The following CDKAL1 variants were observed in gnomAD, a reference collection of about 807,000 sequenced individuals.
CDKAL1 encodes the protein threonylcarbamoyladenosine tRNA methylthiotransferase.
Under a neutral mutation model 68.2 loss-of-function variants are expected in CDKAL1, and 32 were observed. The observed-to-expected ratio is 0.47, with a 90% confidence interval of 0.35 to 0.63. The LOEUF is 0.63. CDKAL1 is among the 30% of genes least tolerant of loss of function. CDKAL1 has a pLI of 0.00. For synonymous variants in CDKAL1, 234 were observed against 244.3 expected, an observed-to-expected ratio of 0.96 and a Z score of 0.39; for missense variants, 606 against 696.7, an observed-to-expected ratio of 0.87 and a Z score of 1.47.
intron 12 of CDKAL1, among the ~76,000 whole-genome samples, chr6:21,104,728 GA>G (rs1447763773): frequency 6.6e-6 from 1 of 152,188 alleles, no homozygotes; most frequent in African/African-American, 2.4e-5. Flanking sequence ...TTTGTTGTCA[GA>G]AAAGGCATTG....
At chr6:21,030,026 ATATACT>A (rs1769185414) in intron 11 of CDKAL1, among the ~76,000 whole-genome samples, 1 of 152,298 alleles carries the variant, frequency 6.6e-6, no homozygotes, top group African/African-American at 2.4e-5. Context: ...AAATGGCCAC[ATATACT>A]TATTGCAGCA....
intron 15 of CDKAL1, among the ~76,000 whole-genome samples, chr6:21,203,483 A>AG (rs1341520037): frequency 6.6e-6 from 1 of 151,184 alleles, no homozygotes; most frequent in African/African-American, 2.4e-5. Context: ...TGATCCGCCC[A>AG]CTTCAGCTTC....
chr6:20,606,714 A>G (rs1468434298), intron 4 of CDKAL1, among the ~76,000 whole-genome samples: 1 of 152,216 alleles, frequency 6.6e-6, no homozygotes, highest in Non-Finnish European at 1.5e-5. Context: ...AATGCTGCAG[A>G]AAAGTTGGAT....
At chr6:20,848,967 A>C (rs1208090363) in intron 9 of CDKAL1, among the ~76,000 whole-genome samples, 2 of 151,592 alleles carry the variant, frequency 1.3e-5, no homozygotes, top group Non-Finnish European at 2.9e-5. Context: ...TAATTTTTAA[A>C]TTTTTTAGAG....
chr6:21,011,872 G>A (rs576593653), intron 11 of CDKAL1, among the ~76,000 whole-genome samples: 2 of 152,202 alleles, frequency 1.3e-5, no homozygotes, highest in Admixed American at 6.5e-5. Flanking sequence ...GCACACGTTT[G>A]CATGCATATA....
chr6:21,068,946 T>C (rs1423679792), intron 12 of CDKAL1, among the ~76,000 whole-genome samples: 4 of 152,176 alleles, frequency 2.6e-5, no homozygotes, highest in Non-Finnish European at 5.9e-5. Flanking sequence ...TGTTCCTACA[T>C]GTGTGTTTCC....
chr6:20,900,899 A>C (rs944061334), intron 9 of CDKAL1, among the ~76,000 whole-genome samples: 5 of 152,238 alleles, frequency 3.3e-5, no homozygotes, highest in Non-Finnish European at 1.5e-5. Flanking sequence ...TTAAATACTA[A>C]AATGAAAAAT....
At chr6:21,077,139 T>C (rs965110663) in intron 12 of CDKAL1, among the ~76,000 whole-genome samples, 5 of 152,170 alleles carry the variant, frequency 3.3e-5, no homozygotes, top group Non-Finnish European at 7.3e-5. Flanking sequence ...TCAACCTATA[T>C]ATATAGAAAG....
intron 9 of CDKAL1, among the ~76,000 whole-genome samples, chr6:20,927,866 A>T (rs1763251913): frequency 6.6e-6 from 1 of 152,174 alleles, no homozygotes; most frequent in African/African-American, 2.4e-5. Context: ...GTTACTGAAT[A>T]TAAAAATTAT....
intron 5 of CDKAL1, among the ~76,000 whole-genome samples, chr6:20,724,058 G>A (rs1772520924): frequency 1.3e-5 from 2 of 152,070 alleles, no homozygotes; most frequent in South Asian, 2.1e-4. Context: ...TCAGCCTCCC[G>A]AGTAGCTGGG....
intron 12 of CDKAL1, among the ~76,000 whole-genome samples, chr6:21,078,412 A>C (rs1772195341): frequency 6.6e-6 from 1 of 152,312 alleles, no homozygotes; most frequent in East Asian, 1.9e-4. Context: ...AGTAAGAGTT[A>C]ACATTTAGCC....
intron 11 of CDKAL1, among the ~76,000 whole-genome samples, chr6:21,034,968 A>G (rs1196620228): frequency 1.3e-5 from 2 of 152,282 alleles, no homozygotes; most frequent in East Asian, 3.9e-4. Flanking sequence ...TAATCTATAA[A>G]GTTTACACTG....
At chr6:20,962,291 G>A (rs1049470624) in intron 10 of CDKAL1, among the ~76,000 whole-genome samples, 4 of 152,068 alleles carry the variant, frequency 2.6e-5, no homozygotes, top group Admixed American at 6.6e-5. Context: ...TCATCATAAG[G>A]TTAATTACAA....
At chr6:20,591,183 C>T (rs954988593) in intron 4 of CDKAL1, among the ~76,000 whole-genome samples, 7 of 152,080 alleles carry the variant, frequency 4.6e-5, no homozygotes, top group African/African-American at 9.7e-5. Flanking sequence ...TCATATTCTT[C>T]GCCCACTTTT....
intron 4 of CDKAL1, among the ~76,000 whole-genome samples, chr6:20,644,093 G>A (rs6932876): frequency 0.23 from 34,981 of 150,618 alleles, 4,395 homozygotes; most frequent in African/African-American, 0.3. Context: ...TCTGCCTCCT[G>A]CAGTGCTGGA....
At chr6:20,674,774 A>G (rs925173963) in intron 5 of CDKAL1, among the ~76,000 whole-genome samples, 3 of 152,274 alleles carry the variant, frequency 2.0e-5, no homozygotes, top group Middle Eastern at 3.4e-3. Context: ...TTCTTCCATT[A>G]GATCAACTTA....
At chr6:21,168,255 T>C (rs1330860260) in intron 13 of CDKAL1, among the ~76,000 whole-genome samples, 1 of 152,184 alleles carries the variant, frequency 6.6e-6, no homozygotes, top group Non-Finnish European at 1.5e-5. Context: ...CTCCTCCTCC[T>C]GAGAACCAGA....
At chr6:20,585,764 C>CA (rs1765329352) in intron 4 of CDKAL1, among the ~76,000 whole-genome samples, 1 of 152,180 alleles carries the variant, frequency 6.6e-6, no homozygotes, top group Admixed American at 6.5e-5. Flanking sequence ...AATGTTGGAG[C>CA]ATCCCCAAGG....
At chr6:20,726,428 A>T (rs1166752086) in intron 5 of CDKAL1, among the ~76,000 whole-genome samples, 1 of 152,220 alleles carries the variant, frequency 6.6e-6, no homozygotes, top group African/African-American at 2.4e-5. Context: ...CCTTGGGCAG[A>T]TGTTCTCAGG....
Sources: gnomAD v4.1 joint callset for allele counts (sites outside exome capture counted in the v4.1 genomes callset) on GRCh38, gnomAD v4.1.1 for gene constraint, MANE v1.5 for transcripts, NCBI Gene and HGNC (gene_info 2026-07-23, HGNC 2026-07-21) for gene names.